The following SUGCT variants were observed in gnomAD, a reference collection of about 807,000 sequenced individuals.
The protein encoded by SUGCT is succinyl-CoA:glutarate CoA-transferase.
A neutral mutation model predicts 55.0 loss-of-function variants in SUGCT; 41 were observed. That is an observed-to-expected ratio of 0.74 (90% CI 0.58 to 0.97). The LOEUF (loss-of-function observed/expected upper bound fraction) is 0.97. Among genes scored for constraint, SUGCT ranks in the 50% least tolerant of loss-of-function variants. SUGCT has a pLI of 0.00. For missense variants in SUGCT, 568 were observed against 547.8 expected (o/e 1.04, Z -0.37); for synonymous variants, 187 against 200.4 (o/e 0.93, Z 0.56).
chr7:40,264,277 T>G (rs1791413901), intron 7 of SUGCT, among the ~76,000 whole-genome samples: 2 of 152,168 alleles, frequency 1.3e-5, no homozygotes, highest in South Asian at 4.1e-4. Context: ...GGTACATAAG[T>G]AATAGACTTT....
At chr7:40,748,717 A>T (rs2128711202) in intron 12 of SUGCT, among the ~76,000 whole-genome samples, 1 of 152,162 alleles carries the variant, frequency 6.6e-6, no homozygotes, top group East Asian at 1.9e-4. Flanking sequence ...TGAGAACCTA[A>T]TCAGCCCTCT....
the SUGCT span, among the ~76,000 whole-genome samples, chr7:40,922,073 G>A: frequency 6.6e-6 from 1 of 152,116 alleles, no homozygotes; most frequent in Admixed American, 6.6e-5. Context: ...TCCCGTATTT[G>A]TCACCCCCTG....
chr7:40,580,402 A>G (rs145608434), intron 12 of SUGCT, among the ~76,000 whole-genome samples: 174 of 152,344 alleles, frequency 1.1e-3, no homozygotes, highest in Middle Eastern at 6.8e-3. Flanking sequence ...TTATTCGTGA[A>G]GGAGGTTTAA....
intron 12 of SUGCT, among the ~76,000 whole-genome samples, chr7:40,677,972 G>A (rs1784076929): frequency 6.6e-6 from 1 of 152,156 alleles, no homozygotes; most frequent in African/African-American, 2.4e-5. Flanking sequence ...GACATGGCTG[G>A]CCAGCTTGAC....
the SUGCT span, among the ~76,000 whole-genome samples, chr7:40,942,936 T>G: frequency 6.6e-6 from 1 of 152,108 alleles, no homozygotes; most frequent in Non-Finnish European, 1.5e-5. Context: ...AATATCTGTC[T>G]CTTTAGAAAA....
At chr7:40,928,491 AT>A in the SUGCT span, among the ~76,000 whole-genome samples, 30 of 151,902 alleles carry the variant, frequency 2.0e-4, 1 homozygote, top group East Asian at 5.6e-3. Context: ...CATTTATAAT[AT>A]TTTTAAATGA....
intron 12 of SUGCT, among the ~76,000 whole-genome samples, chr7:40,749,228 C>G (rs537039687): frequency 6.1e-4 from 93 of 152,268 alleles, no homozygotes; most frequent in African/African-American, 2.2e-3. Context: ...CGTGAATCCT[C>G]TAGTCTTTTT....
At chr7:40,341,664 A>G (rs1797056562) in intron 9 of SUGCT, among the ~76,000 whole-genome samples, 1 of 152,200 alleles carries the variant, frequency 6.6e-6, no homozygotes, top group Non-Finnish European at 1.5e-5. Context: ...AGGATCCAGT[A>G]CTGTGAGAAG....
At chr7:40,548,325 A>G (rs374711710) in intron 12 of SUGCT, among the ~76,000 whole-genome samples, 146 of 151,564 alleles carry the variant, frequency 9.6e-4, no homozygotes, top group African/African-American at 3.4e-3. Context: ...AATAGCTGGA[A>G]CTACAGGCAC....
chr7:40,633,591 T>G (rs1799892222), intron 12 of SUGCT, among the ~76,000 whole-genome samples: 1 of 152,182 alleles, frequency 6.6e-6, no homozygotes, highest in Non-Finnish European at 1.5e-5. Context: ...AATCAAGCAA[T>G]CAGGTCTTAT....
chr7:40,261,005 A>T (rs78807388), intron 7 of SUGCT, among the ~76,000 whole-genome samples: 232 of 152,070 alleles, frequency 1.5e-3, no homozygotes, highest in African/African-American at 5.4e-3. Context: ...GTTACTTTTC[A>T]GAGTGTTGTG....
At chr7:40,632,732 A>G (rs575716321) in intron 12 of SUGCT, among the ~76,000 whole-genome samples, 5 of 152,170 alleles carry the variant, frequency 3.3e-5, no homozygotes, top group African/African-American at 1.2e-4. Flanking sequence ...AGTTGAAAAT[A>G]TGATTTATTT....
intron 12 of SUGCT, among the ~76,000 whole-genome samples, chr7:40,536,933 TAAAC>T (rs1445572685): frequency 6.6e-6 from 1 of 152,180 alleles, no homozygotes; most frequent in Non-Finnish European, 1.5e-5. Context: ...AGTAGGAAAT[TAAAC>T]AACAAAATCT....
At chr7:40,609,397 T>C (rs1212965722) in intron 12 of SUGCT, among the ~76,000 whole-genome samples, 1 of 151,732 alleles carries the variant, frequency 6.6e-6, no homozygotes, top group Non-Finnish European at 1.5e-5. Context: ...AAACCCCATC[T>C]CTACTAAAAA....
chr7:40,333,676 T>A (rs1325340268), intron 9 of SUGCT, among the ~76,000 whole-genome samples: 8 of 53,510 alleles, frequency 1.5e-4, no homozygotes, highest in African/African-American at 5.4e-4. Flanking sequence ...AAAATATATA[T>A]ATATATATAT....
At chr7:40,824,887 A>G (rs1171819197) in intron 13 of SUGCT, among the ~76,000 whole-genome samples, 1 of 152,204 alleles carries the variant, frequency 6.6e-6, no homozygotes, top group Non-Finnish European at 1.5e-5. Context: ...ACCTCCCAAT[A>G]CCATCACAAT....
intron 12 of SUGCT, among the ~76,000 whole-genome samples, chr7:40,749,112 A>T (rs1021694845): frequency 6.6e-6 from 1 of 152,124 alleles, no homozygotes; most frequent in African/African-American, 2.4e-5. Flanking sequence ...CTGAGCTTTA[A>T]TATTAGGGGA....
chr7:40,873,790 A>G, the SUGCT span, among the ~76,000 whole-genome samples: 1 of 152,252 alleles, frequency 6.6e-6, no homozygotes, highest in Non-Finnish European at 1.5e-5. Flanking sequence ...ACATCAAGGA[A>G]CTTAAAACCA....
At chr7:40,435,945 C>CTTTTCT (rs745704083) in intron 9 of SUGCT, among the ~76,000 whole-genome samples, 74 of 114,560 alleles carry the variant, frequency 6.5e-4, no homozygotes, top group Middle Eastern at 4.3e-3. Flanking sequence ...CTTTTCTTTT[C>CTTTTCT]TTTTTTTTTT....
Sources: gnomAD v4.1 joint callset for allele counts (sites outside exome capture counted in the v4.1 genomes callset) on GRCh38, gnomAD v4.1.1 for gene constraint, MANE v1.5 for transcripts, NCBI Gene and HGNC (gene_info 2026-07-23, HGNC 2026-07-21) for gene names.